The following KIAA1671 variants were observed in gnomAD, a reference collection of about 807,000 sequenced individuals.
KIAA1671 encodes uncharacterized protein KIAA1671.
KIAA1671 carries 52 observed loss-of-function variants against 131.2 expected under a neutral mutation model. The ratio of observed to expected loss-of-function variants is 0.40; its 90% CI spans 0.32 to 0.50. The LOEUF (loss-of-function observed/expected upper bound fraction) is 0.50. Among genes scored for constraint, KIAA1671 ranks in the 20% least tolerant of loss-of-function variants. The pLI is 0.73. For missense variants in KIAA1671, 2,360 were observed against 2,364.2 expected (o/e 1.00, Z 0.04); for synonymous variants, 1,003 against 961.6 (o/e 1.04, Z -0.80).
chr22:25,095,918 A>G (rs558416666), intron 6 of KIAA1671, among the ~76,000 whole-genome samples: 1 of 152,286 alleles, frequency 6.6e-6, no homozygotes, highest in East Asian at 1.9e-4. Flanking sequence ...AAGGTGCAGC[A>G]CCCAATGGAG....
At chr22:25,099,577 T>TA (rs1241435626) in intron 6 of KIAA1671, among the ~76,000 whole-genome samples, 2 of 128,530 alleles carry the variant, frequency 1.6e-5, no homozygotes, top group East Asian at 5.3e-4. Flanking sequence ...TTTTTTTAGA[T>TA]AGAGTCTCGC....
At chr22:25,018,691 G>A (rs1272546134) in intron 1 of KIAA1671, among the ~76,000 whole-genome samples, 13 of 152,102 alleles carry the variant, frequency 8.5e-5, no homozygotes, top group Admixed American at 8.5e-4. Context: ...ATTTCACTTA[G>A]CAAAATGTCT....
At chr22:25,059,596 A>C (rs1928045556) in intron 6 of KIAA1671, 1 of 152,120 alleles carries the variant, frequency 6.6e-6, no homozygotes, top group Middle Eastern at 3.2e-3. Context: ...CAGAGGAGGG[A>C]GTAATTGGCT....
intron 11 of KIAA1671, among the ~76,000 whole-genome samples, chr22:25,187,618 C>T (rs1462073558): frequency 1.3e-5 from 2 of 152,140 alleles, no homozygotes; most frequent in Non-Finnish European, 2.9e-5. Flanking sequence ...GGTGAATCCT[C>T]CCACCTCAGC....
intron 1 of KIAA1671, among the ~76,000 whole-genome samples, chr22:25,007,633 A>G (rs1402459263): frequency 6.6e-6 from 1 of 152,178 alleles, no homozygotes; most frequent in African/African-American, 2.4e-5. Context: ...AGACATGTCC[A>G]CCAGTGCCAT....
intron 1 of KIAA1671, among the ~76,000 whole-genome samples, chr22:24,997,043 C>A (rs1416406576): frequency 6.6e-6 from 1 of 152,294 alleles, no homozygotes; most frequent in East Asian, 1.9e-4. Flanking sequence ...CCATTCTTAC[C>A]CTCCATGCAG....
At position 25,194,779 on chromosome 22, in the gene KIAA1671, A is replaced by G. The variant is rs1355618557; in HGVS notation, c.*2378A>G. 3 of 146,990 alleles carry G rather than the reference A, an allele frequency of 2.0e-5. No homozygotes were observed. Among genetic ancestry groups the G allele is most frequent in the Non-Finnish European group, 3.0e-5 (2 of 65,648 alleles). The allele number at this position is 146,990 out of a possible 1,614,324, so 9.1% of individuals were successfully genotyped here. Reference sequence around the variant, plus strand: ...CTCCTCCAGCACCACAGGGAAGACAATCACAGTGGGTCAAGAGCGACCCTC... The same window carrying G: ...CTCCTCCAGCACCACAGGGAAGACAGTCACAGTGGGTCAAGAGCGACCCTC... On this transcript the variant is annotated 3_prime_UTR_variant, in exon 13 of 13. Coordinates refer to ENST00000358431, the MANE Select transcript of KIAA1671 (RefSeq NM_001145206.2).
chr22:24,965,452 G>A (rs1396510888), intron 1 of KIAA1671, among the ~76,000 whole-genome samples: 2 of 150,788 alleles, frequency 1.3e-5, no homozygotes, highest in African/African-American at 2.4e-5. Context: ...ATAAAAAGAT[G>A]AGCTTAGACC....
intron 6 of KIAA1671, among the ~76,000 whole-genome samples, chr22:25,073,230 G>C (rs1928921082): frequency 6.6e-6 from 1 of 152,028 alleles, no homozygotes; most frequent in South Asian, 2.1e-4. Context: ...ATCATGCCCA[G>C]CTAATTTTTT....
intron 6 of KIAA1671, among the ~76,000 whole-genome samples, chr22:25,075,045 A>G (rs1929032164): frequency 6.6e-6 from 1 of 152,238 alleles, no homozygotes; most frequent in African/African-American, 2.4e-5. Flanking sequence ...TAATGTTAGC[A>G]TGTTACTATA....
intron 6 of KIAA1671, among the ~76,000 whole-genome samples, chr22:25,068,290 AG>A (rs1206851221): frequency 6.6e-6 from 1 of 151,526 alleles, no homozygotes; most frequent in African/African-American, 2.4e-5. Context: ...CTGACTTGTC[AG>A]GCAGCGAGCA....
intron 6 of KIAA1671, among the ~76,000 whole-genome samples, chr22:25,093,812 GTC>G: frequency 3.2e-5 from 1 of 31,042 alleles, no homozygotes; most frequent in African/African-American, 2.2e-4. Flanking sequence ...CTCTCTCTCT[GTC>G]TCTCTCTCTT....
intron 1 of KIAA1671, among the ~76,000 whole-genome samples, chr22:24,953,596 C>T (rs779771901): frequency 6.6e-6 from 1 of 152,044 alleles, no homozygotes; most frequent in South Asian, 2.1e-4. Context: ...CCGATGGCGG[C>T]GCGGCCCACC....
At chr22:25,158,197 A>G (rs1007371907) in intron 6 of KIAA1671, among the ~76,000 whole-genome samples, 3 of 152,212 alleles carry the variant, frequency 2.0e-5, no homozygotes, top group Non-Finnish European at 2.9e-5. Flanking sequence ...ATAAAAGCAG[A>G]TGGTCCTGTG....
chr22:25,129,855 A>G (rs1382137076), intron 6 of KIAA1671, among the ~76,000 whole-genome samples: 1 of 152,170 alleles, frequency 6.6e-6, no homozygotes, highest in Non-Finnish European at 1.5e-5. Context: ...TGGAGAAAAT[A>G]ACAATATGTT....
chr22:25,044,234 G>C (rs1306130961), intron 5 of KIAA1671, among the ~76,000 whole-genome samples: 2 of 152,210 alleles, frequency 1.3e-5, no homozygotes, highest in African/African-American at 2.4e-5. Flanking sequence ...AGTTAACAGG[G>C]ATTCCTGCCC....
intron 6 of KIAA1671, among the ~76,000 whole-genome samples, chr22:25,086,431 G>A (rs1330213057): frequency 6.6e-6 from 1 of 152,216 alleles, no homozygotes; most frequent in Non-Finnish European, 1.5e-5. Flanking sequence ...TGAGCTGAAC[G>A]CAGGAGTGAG....
intron 1 of KIAA1671, among the ~76,000 whole-genome samples, chr22:24,967,186 C>A (rs1437587955): frequency 6.6e-6 from 1 of 152,186 alleles, no homozygotes; most frequent in Non-Finnish European, 1.5e-5. Context: ...AGAAAAATCA[C>A]AATTTGCTGA....
intron 1 of KIAA1671, among the ~76,000 whole-genome samples, chr22:24,974,762 G>A (rs1166680111): frequency 3.5e-5 from 5 of 141,068 alleles, no homozygotes; most frequent in Non-Finnish European, 6.0e-5. Flanking sequence ...GCGTGATCTC[G>A]GCTCACTGCA....
Sources: allele counts gnomAD v4.1 joint callset (sites outside exome capture counted in the v4.1 genomes callset), GRCh38; gene constraint gnomAD v4.1.1; transcripts MANE v1.5; gene names NCBI Gene and HGNC (gene_info 2026-07-23, HGNC 2026-07-21).